The following CDV3 variants were observed in gnomAD, a reference collection of about 807,000 sequenced individuals.
CDV3 encodes protein CDV3 homolog.
CDV3 carries 14 observed loss-of-function variants against 24.5 expected under a neutral mutation model. The observed-to-expected ratio is 0.57, with a 90% CI of 0.38 to 0.89. The LOEUF is 0.89. Among genes scored for constraint, CDV3 ranks in the 40% least tolerant of loss-of-function variants. CDV3 has a pLI of 0.00. For missense variants in CDV3, 304 were observed against 310.2 expected, an observed-to-expected ratio of 0.98 and a Z score of 0.15; for synonymous variants, 114 against 114.1, an observed-to-expected ratio of 1.00 and a Z score of 0.00.
intron 3 of CDV3, among the ~76,000 whole-genome samples, chr3:133,584,888 G>A: frequency 6.6e-6 from 1 of 152,150 alleles, no homozygotes; most frequent in East Asian, 1.9e-4. Flanking sequence ...GTGGGGGGCA[G>A]TTAGGAAACA....
At chr3:133,583,459 C>T (rs1183056194) in intron 2 of CDV3, among the ~76,000 whole-genome samples, 1 of 152,224 alleles carries the variant, frequency 6.6e-6, no homozygotes, top group Non-Finnish European at 1.5e-5. Context: ...GTTGTATCAT[C>T]CTCTCTTCCC....
In CDV3 at chr3:133,584,115, C is replaced by G; in HGVS notation, c.431C>G (p.Thr144Arg). Reference sequence around the variant, plus strand: ...AAATCTTCAGGTCCCTGGAATAAAACAGCTCCAGTACAAGCACCTCCTGCT... The same window carrying G: ...AAATCTTCAGGTCCCTGGAATAAAAGAGCTCCAGTACAAGCACCTCCTGCT... ...MEKSSGPWNK[T>R]APVQAPPAPV... The change falls in exon 3 of 5, where the codon ACA becomes AGA. Residue 144 changes from threonine to arginine, a missense_variant. Thr to Arg is a moderately conservative substitution (Grantham distance 71, BLOSUM62 -1). This residue lies in a region of CDV3 where 219 missense variants were observed against 203.6 expected (regional missense o/e 1.08). Coordinates refer to ENST00000264993, the MANE Select transcript of CDV3 (RefSeq NM_017548.5). The G allele has an allele frequency of 1.2e-6, 2 of 1,612,860 alleles. No individual in the cohort carries two copies. The highest frequency in any genetic ancestry group is 1.7e-6 in the Non-Finnish European group (2 of 1,179,076).
At position 133,589,654 on chromosome 3, in the gene CDV3, G is replaced by C. The variant is rs1477999727; in HGVS notation, c.*1608G>C. The C allele has an allele frequency of 6.6e-6, 1 of 152,622 alleles. No individual in the cohort carries two copies. Among genetic ancestry groups the C allele is most frequent in the Non-Finnish European group, 1.5e-5 (1 of 68,050 alleles). 9.5% of individuals were successfully genotyped at this position (152,622 alleles called of 1,614,324 possible). On this transcript the variant is annotated 3_prime_UTR_variant, in exon 5 of 5. Transcript: ENST00000264993. ...TGGGTGAGTAAAACTATTTTGACGT[G>C]GGAGCGTTTTCAGATAGGAGTTTAG...
intron 3 of CDV3, 63 bp from the exon 4 acceptor site, chr3:133,586,500 G>A: frequency 1.2e-6 from 1 of 845,756 alleles, no homozygotes; most frequent in South Asian, 1.6e-5. Context: ...GGGAATGCAA[G>A]AATAGCTTAT....
At chr3:133,576,840 G>GCTTTTTTTTTT (rs2074826497) in intron 2 of CDV3, among the ~76,000 whole-genome samples, 1 of 26,058 alleles carries the variant, frequency 3.8e-5, no homozygotes, top group African/African-American at 1.3e-4. Context: ...AGGTAGACTA[G>GCTTTTTTTTTT]CTTTTTTTTT....
rs1933927125 is a variant in CDV3, at chr3:133,589,629, T to C, written c.*1583T>C. Reference sequence around the variant, plus strand: ...TTGCTACTGGCAAGAGTGAAGCAAGTGGGTGAGTAAAACTATTTTGACGTG... The same window carrying C: ...TTGCTACTGGCAAGAGTGAAGCAAGCGGGTGAGTAAAACTATTTTGACGTG... On this transcript the variant is annotated 3_prime_UTR_variant, in exon 5 of 5. Coordinates refer to ENST00000264993, the MANE Select transcript of CDV3 (RefSeq NM_017548.5). 6.6e-6 allele frequency: 1 copy of C among 152,570 alleles called. No homozygotes were observed. The highest frequency in any genetic ancestry group is 2.4e-5 in the African/African-American group (1 of 41,420). The allele number at this position is 152,570 out of a possible 1,614,324, so 9.5% of individuals were successfully genotyped here. A position where few individuals can be genotyped will look rare whatever the true frequency, so the allele number is the denominator to read the frequency against.
chr3:133,581,733 C>CAT (rs1933045269), intron 2 of CDV3, among the ~76,000 whole-genome samples: 1 of 152,136 alleles, frequency 6.6e-6, no homozygotes, highest in Non-Finnish European at 1.5e-5. Context: ...TTCTAGCACC[C>CAT]AGAGCTACTC....
Position 133,574,136 on chromosome 3 carries a change from CCGCGG to C in CDV3, c.93_97del (p.Ala32ArgfsTer27). On this transcript the variant is annotated frameshift_variant, in exon 1 of 5. Transcript: ENST00000264993. LOFTEE classifies it high-confidence loss of function. ...GAGCGGAGCAACCGGGCGGCGAGTG[CCGCGG>C]GCGCAGCGGGCAGCGCCGGCGGAAG... The C allele has an allele frequency of 8.4e-7, 1 of 1,191,884 alleles. No homozygotes were observed. 73.8% of individuals were successfully genotyped at this position (1,191,884 alleles called of 1,614,324 possible).
intron 2 of CDV3, among the ~76,000 whole-genome samples, chr3:133,579,808 G>C (rs1337660006): frequency 6.6e-6 from 1 of 151,992 alleles, no homozygotes; most frequent in African/African-American, 2.4e-5. Context: ...GGTCAGGGTG[G>C]TCTCGAACTC....
intron 3 of CDV3, among the ~76,000 whole-genome samples, chr3:133,585,513 A>T (rs4854734): frequency 0.73 from 99,710 of 136,494 alleles, 34,271 homozygotes; most frequent in East Asian, 0.94. Context: ...TTTTTTTTTT[A>T]AGACAAAGTC....
rs1253710144 is a variant in CDV3, at chr3:133,575,074, G to A, written c.276G>A (p.Glu92=). 3.1e-6 allele frequency: 5 copies of A among 1,606,244 alleles called. No individual in the cohort carries two copies. Among genetic ancestry groups the A allele is most frequent in the Admixed American group, 1.7e-5 (1 of 59,980 alleles). Residue 92 remains glutamate, a synonymous_variant, in exon 2 of 5, where the codon GAG becomes GAA. Coordinates refer to ENST00000264993, the MANE Select transcript of CDV3 (RefSeq NM_017548.5). ...EDEWKELEQK[E]VDYSGLRVQA... is the part of the protein sequence containing the mutation. Reference sequence around the variant, plus strand: ...AATGGAAAGAATTGGAGCAAAAAGAGGTTGATTACAGCGGCCTCAGGGTTC... The same window carrying A: ...AATGGAAAGAATTGGAGCAAAAAGAAGTTGATTACAGCGGCCTCAGGGTTC...
intron 3 of CDV3, 45 bp downstream of exon 3, chr3:133,584,195 T>C: frequency 7.1e-7 from 1 of 1,404,598 alleles, no homozygotes; most frequent in South Asian, 1.2e-5. Context: ...AATTTATATA[T>C]GATTTTATAT....
intron 3 of CDV3, among the ~76,000 whole-genome samples, chr3:133,585,449 G>C (rs1933495138): frequency 6.6e-6 from 1 of 151,620 alleles, no homozygotes. Flanking sequence ...CCAAAGTGCT[G>C]GGATTACAGG....
chr3:133,588,086 C>T lies in CDV3; in HGVS notation c.*40C>T, dbSNP rs769859013. 1.3e-6 allele frequency: 2 copies of T among 1,595,518 alleles called. No homozygotes were observed. The highest frequency in any genetic ancestry group is 1.1e-5 in the South Asian group (1 of 88,818). On this transcript the variant is annotated 3_prime_UTR_variant, in exon 5 of 5. Transcript: ENST00000264993. The stretch of plus-strand genomic sequence containing the variant: ...TAACCCTTCTGAGGTAACTAGACTG[C>T]AGCTAACCACCACCAACAGCCATTC...
At position 133,588,594 on chromosome 3, in the gene CDV3, A is replaced by T; in HGVS notation, c.*548A>T. 1.7e-6 allele frequency: 1 copy of T among 593,834 alleles called. No individual in the cohort carries two copies. Among genetic ancestry groups the T allele is most frequent in the Admixed American group, 3.0e-5 (1 of 33,356 alleles). The allele number at this position is 593,834 out of a possible 1,614,324, so 36.8% of individuals were successfully genotyped here. A position where few individuals can be genotyped will look rare whatever the true frequency, so the allele number is the denominator to read the frequency against. On this transcript the variant is annotated 3_prime_UTR_variant, in exon 5 of 5. Coordinates refer to ENST00000264993, the MANE Select transcript of CDV3 (RefSeq NM_017548.5). ...TTAACCTGTCCTGTGCCCTACCCTT[A>T]AGGAATACTCTCTGTAGTAGGCTGT... is the stretch of plus-strand genomic sequence containing the variant.
chr3:133,580,571 G>T (rs746120180), intron 2 of CDV3, among the ~76,000 whole-genome samples: 1 of 152,024 alleles, frequency 6.6e-6, no homozygotes, highest in Non-Finnish European at 1.5e-5. Context: ...GCATGATGGC[G>T]CATGCCTGTA....
rs1265409449 is a variant in CDV3, at chr3:133,573,988, C to T, written c.-57C>T. The stretch of plus-strand genomic sequence containing the variant: ...GCCGGCCTCGACCCCGAGCTCGGAG[C>T]CCCGCGGGCCGCGCCCGCCGCCGGC... On this transcript the variant is annotated 5_prime_UTR_variant, in exon 1 of 5. Transcript: ENST00000264993. 6 of 1,013,318 alleles carry T rather than the reference C, an allele frequency of 5.9e-6. No homozygotes were observed. In the South Asian group the frequency reaches 1.7e-4, roughly 29 times the overall value. 62.8% of individuals were successfully genotyped at this position (1,013,318 alleles called of 1,614,324 possible).
intron 4 of CDV3, chr3:133,587,213 A>G: frequency 7.5e-7 from 1 of 1,336,068 alleles, no homozygotes; most frequent in Non-Finnish European, 9.8e-7. Context: ...TGGCACATCT[A>G]CATCTTACTT....
At chr3:133,576,425 G>A (rs1036102647) in intron 2 of CDV3, among the ~76,000 whole-genome samples, 1 of 152,174 alleles carries the variant, frequency 6.6e-6, no homozygotes, top group African/African-American at 2.4e-5. Context: ...TTGTGGAACT[G>A]CCTGTGTGTG....
Sources: gnomAD v4.1 joint callset for allele counts (sites outside exome capture counted in the v4.1 genomes callset) on GRCh38, gnomAD v4.1.1 for gene constraint, gnomAD v4.1.1 regional missense constraint, MANE v1.5 for transcripts, NCBI Gene and HGNC (gene_info 2026-07-23, HGNC 2026-07-21) for gene names.